The following PCDHA9 variants were observed in gnomAD, a reference collection of about 807,000 sequenced individuals.
PCDHA9 encodes the protein protocadherin alpha-9.
PCDHA9 carries 62 observed loss-of-function variants against 62.0 expected under a neutral mutation model. The ratio of observed to expected loss-of-function variants is 1.00; its 90% confidence interval spans 0.81 to 1.23. PCDHA9 has a LOEUF of 1.23. PCDHA9 is among the 50% of genes most tolerant of loss of function. The pLI, the probability that PCDHA9 is intolerant of heterozygous loss-of-function variation, is 0.00. For synonymous variants in PCDHA9, 557 were observed against 567.6 expected (o/e 0.98, Z 0.27); for missense variants, 1,205 against 1,249.8 (o/e 0.96, Z 0.54).
intron 1 of PCDHA9, among the ~76,000 whole-genome samples, chr5:140,964,622 T>A (rs1435749865): frequency 6.6e-6 from 1 of 152,048 alleles, no homozygotes; most frequent in African/African-American, 2.4e-5. Flanking sequence ...ATTCCACTTA[T>A]AAGCCATTTA....
At chr5:140,881,147 A>G (rs982102013) in intron 1 of PCDHA9, among the ~76,000 whole-genome samples, 3 of 152,238 alleles carry the variant, frequency 2.0e-5, no homozygotes, top group Non-Finnish European at 4.4e-5. Context: ...ATAACAATAG[A>G]TAAAAGTAAG....
chr5:140,858,436 G>T (rs781811192), intron 1 of PCDHA9: 1 of 1,542,522 alleles, frequency 6.5e-7, no homozygotes, highest in Admixed American at 2.0e-5. Flanking sequence ...ACTCTAGGAA[G>T]GTGGGTTATT....
chr5:140,996,301 AC>A (rs1306218777), intron 3 of PCDHA9, among the ~76,000 whole-genome samples: 1 of 152,240 alleles, frequency 6.6e-6, no homozygotes, highest in African/African-American at 2.4e-5. Context: ...ACAGATTGTA[AC>A]AAAGTAAGGG....
intron 1 of PCDHA9, among the ~76,000 whole-genome samples, chr5:140,900,909 G>T (rs1470878423): frequency 1.3e-5 from 2 of 152,184 alleles, no homozygotes; most frequent in Middle Eastern, 3.4e-3. Context: ...TTTAACTGTG[G>T]TAAGATGATA....
intron 1 of PCDHA9, chr5:140,866,792 A>T (rs2049578190): frequency 6.6e-6 from 1 of 152,208 alleles, no homozygotes; most frequent in Non-Finnish European, 1.5e-5. Flanking sequence ...CTGATATAGT[A>T]AAAGTCAGGC....
rs542615615 is a variant in PCDHA9, at chr5:140,855,959, A to G, written c.2394+5070A>G. 8 of 1,399,890 alleles carry G rather than the reference A, an allele frequency of 5.7e-6. No homozygotes were observed. In the East Asian group the frequency reaches 1.1e-4, roughly 20 times the overall value. The allele number at this position is 1,399,890 out of a possible 1,614,324, so 86.7% of individuals were successfully genotyped here. On this transcript the variant is annotated intron_variant, in intron 1 of 3. Transcript: ENST00000532602. Reference sequence around the variant, plus strand: ...GAGATCTCAGCCATTTCGATAAAAAATAGATATAAGAAATAGGACAGAAAA... The same window carrying G: ...GAGATCTCAGCCATTTCGATAAAAAGTAGATATAAGAAATAGGACAGAAAA...
At chr5:141,006,058 G>T (rs1002161598) in intron 3 of PCDHA9, among the ~76,000 whole-genome samples, 2 of 149,786 alleles carry the variant, frequency 1.3e-5, no homozygotes, top group Non-Finnish European at 3.0e-5. Flanking sequence ...GAGTGGAGAA[G>T]AAATAAAAAT....
intron 3 of PCDHA9, among the ~76,000 whole-genome samples, chr5:140,988,221 T>A (rs1554249982): frequency 6.6e-6 from 1 of 152,016 alleles, no homozygotes; most frequent in Non-Finnish European, 1.5e-5. Context: ...AAAAATGAGA[T>A]CAGGGATCTA....
At chr5:140,942,638 A>T (rs1478847405) in intron 1 of PCDHA9, among the ~76,000 whole-genome samples, 1 of 152,122 alleles carries the variant, frequency 6.6e-6, no homozygotes, top group Non-Finnish European at 1.5e-5. Context: ...AAATGGCAAA[A>T]GAGATCTCAT....
At chr5:140,867,400 T>C (rs544481917) in intron 1 of PCDHA9, 18 of 152,290 alleles carry the variant, frequency 1.2e-4, no homozygotes, top group African/African-American at 3.8e-4. Context: ...AAAGTTGATA[T>C]GTCTCCTTTA....
At chr5:140,864,008 A>G (rs1481887604) in intron 1 of PCDHA9, 3 of 153,088 alleles carry the variant, frequency 2.0e-5, no homozygotes, top group African/African-American at 7.2e-5. Flanking sequence ...CTTAAAAAAA[A>G]AAGTACATTG....
At chr5:140,851,722 C>T (rs2042141470) in intron 1 of PCDHA9, 8 of 966,996 alleles carry the variant, frequency 8.3e-6, no homozygotes, top group East Asian at 1.1e-4. Flanking sequence ...TTCGAAACTT[C>T]GAGTTCTTTT....
intron 1 of PCDHA9, among the ~76,000 whole-genome samples, chr5:140,941,810 A>T (rs188836583): frequency 6.6e-5 from 10 of 152,356 alleles, no homozygotes; most frequent in Admixed American, 4.6e-4. Flanking sequence ...TGATTTCAGT[A>T]GGATGACTGC....
intron 1 of PCDHA9, among the ~76,000 whole-genome samples, chr5:140,908,277 T>C (rs2073893618): frequency 6.6e-6 from 1 of 152,162 alleles, no homozygotes; most frequent in Non-Finnish European, 1.5e-5. Context: ...CATGAGGCCA[T>C]TGTTGCAAGC....
At chr5:140,872,432 G>T (rs2053660736) in intron 1 of PCDHA9, among the ~76,000 whole-genome samples, 1 of 152,026 alleles carries the variant, frequency 6.6e-6, no homozygotes, top group Non-Finnish European at 1.5e-5. Context: ...TTCGAGGCCT[G>T]CCTGGACAAC....
rs781792274 is a variant in PCDHA9, at chr5:140,927,895, G to A, written c.2395-51054G>A. The A allele has an allele frequency of 4.3e-5, 70 of 1,614,074 alleles. No homozygotes were observed. The highest frequency in any genetic ancestry group is 5.3e-5 in the Non-Finnish European group (62 of 1,180,048). On this transcript the variant is annotated intron_variant, in intron 1 of 3. Coordinates refer to ENST00000532602, the MANE Select transcript of PCDHA9 (RefSeq NM_031857.2). ...GCTGGTGGAGGTGACTGACGTGAACGATCATGCCCCCGAACTGGACTTCCT... is the reference window on the plus strand; with the variant it reads ...GCTGGTGGAGGTGACTGACGTGAACAATCATGCCCCCGAACTGGACTTCCT...
At chr5:140,958,290 T>C (rs1554223401) in intron 1 of PCDHA9, among the ~76,000 whole-genome samples, 1 of 152,154 alleles carries the variant, frequency 6.6e-6, no homozygotes, top group Non-Finnish European at 1.5e-5. Context: ...TTAAATATTA[T>C]TGAACTTAAT....
In PCDHA9 at chr5:140,870,774, G is replaced by T. The variant is rs782539037; in HGVS notation, c.2394+19885G>T. The T allele has an allele frequency of 2.9e-5, 47 of 1,613,632 alleles. 1 individual carries two copies. The South Asian group carries it at 3.8e-4, about 13-fold the overall frequency. On this transcript the variant is annotated intron_variant, in intron 1 of 3. Coordinates refer to ENST00000532602, the MANE Select transcript of PCDHA9 (RefSeq NM_031857.2). ...CGCTGCAGGTGTTCGTGCTGGACGA[G>T]AACGACAACGCGCCGGCACTGCTGG...
chr5:140,892,232 T>C (rs2063437812), intron 1 of PCDHA9, among the ~76,000 whole-genome samples: 1 of 152,176 alleles, frequency 6.6e-6, no homozygotes, highest in African/African-American at 2.4e-5. Context: ...GTGTTTTGTC[T>C]CCACATAAAC....
Sources: allele counts gnomAD v4.1 joint callset (sites outside exome capture counted in the v4.1 genomes callset), GRCh38; gene constraint gnomAD v4.1.1; transcripts MANE v1.5; gene names NCBI Gene and HGNC (gene_info 2026-07-23, HGNC 2026-07-21).